Variants in DYRK1B observed in about 807,000 individuals in gnomAD.
DYRK1B encodes dual specificity tyrosine phosphorylation regulated kinase 1B.
A neutral mutation model predicts 57.1 loss-of-function variants in DYRK1B; 20 were observed. That is an observed-to-expected ratio of 0.35 (90% confidence interval 0.25 to 0.51). DYRK1B has a LOEUF of 0.51. Ranked by LOEUF, DYRK1B falls within the 20% of genes least tolerant of loss-of-function variation. DYRK1B has a pLI of 0.96. For missense variants in DYRK1B, 732 were observed against 886.3 expected (o/e 0.83, Z 2.21); for synonymous variants, 409 against 384.7 (o/e 1.06, Z -0.74).
At position 39,827,409 on chromosome 19, in the gene DYRK1B, C is replaced by A. The variant is rs766454633; in HGVS notation, c.971G>T (p.Arg324Leu). 1.1e-5 allele frequency: 18 copies of A among 1,612,418 alleles called. No individual in the cohort carries two copies. The highest frequency in any genetic ancestry group is 6.7e-5 in the East Asian group (3 of 44,834). Residue 324 changes from arginine to leucine, a missense_variant, in exon 8 of 11, where the codon CGC (arginine) becomes CTC (leucine). Transcript: ENST00000323039. ...TGGGATGCCCAGCACCTCCACAATGCGGTTCATCTGGTCGACCTGTGAGCA... is the reference window on the plus strand; with the variant it reads ...TGGGATGCCCAGCACCTCCACAATGAGGTTCATCTGGTCGACCTGTGAGCA... ...SGSNEVDQMNRIVEVLGIPPA... is the reference protein window; with the variant it reads ...SGSNEVDQMNLIVEVLGIPPA...
rs576584969 is a variant in DYRK1B at position 39,830,657 on chromosome 19, T to G, written c.183+7A>C. 6.2e-7 allele frequency: 1 copy of G among 1,613,502 alleles called. No individual in the cohort carries two copies. Among genetic ancestry groups the G allele is most frequent in the Non-Finnish European group, 8.5e-7 (1 of 1,179,602 alleles). On this transcript the variant is annotated splice_region_variant and intron_variant, in intron 3 of 10. Transcript: ENST00000323039. ...ACCCAGCCCAGGATCCCCCAGCCCC[T>G]GCCCACCTCATTGATGTGCTTGTAG...
At chr19:39,833,570 G>C (rs1471590747) in intron 1 of DYRK1B, 1 of 157,266 alleles carries the variant, frequency 6.4e-6, no homozygotes, top group Non-Finnish European at 1.4e-5. Context: ...GTGACCACCA[G>C]CCCCTAGGGA....
At chr19:39,830,806 G>C (rs1156334784) in intron 2 of DYRK1B, 23 bp from the exon 3 acceptor site, 1 of 1,598,190 alleles carries the variant, frequency 6.3e-7, no homozygotes, top group Admixed American at 1.7e-5. Context: ...GTGAGGGGTG[G>C]GCACTGAGGA....
In DYRK1B at chr19:39,827,005, GGA is replaced by G; in HGVS notation, c.1096-20_1096-19del. The stretch of plus-strand genomic sequence containing the variant: ...TGGTAATCCTGGCAGGGAGGGGGTG[GGA>G]GGGGGGGCAAGAGAGTGGCCGTCAG... On this transcript the variant is annotated intron_variant, in intron 8 of 10. Coordinates refer to ENST00000323039, the MANE Select transcript of DYRK1B (RefSeq NM_004714.3). 1 of 1,401,116 alleles carries G rather than the reference GGA, an allele frequency of 7.1e-7. No individual in the cohort carries two copies. Among genetic ancestry groups the G allele is most frequent in the Non-Finnish European group, 9.3e-7 (1 of 1,073,638 alleles). 86.8% of individuals were successfully genotyped at this position (1,401,116 alleles called of 1,614,324 possible).
intron 6 of DYRK1B, 55 bp from the exon 7 acceptor site, chr19:39,827,711 A>AC: frequency 1.3e-6 from 2 of 1,586,430 alleles, no homozygotes; most frequent in Non-Finnish European, 1.7e-6. Flanking sequence ...TCCCACTGAC[A>AC]CCCCCAAAGC....
intron 1 of DYRK1B, 120 bp from the exon 2 acceptor site, chr19:39,832,088 CG>C: frequency 2.6e-6 from 3 of 1,139,108 alleles, no homozygotes; most frequent in Non-Finnish European, 3.5e-6. Context: ...AAGGGCACAA[CG>C]GAGCAGCAGA....
chr19:39,828,053 T>C lies in DYRK1B; in HGVS notation c.807+244A>G, dbSNP rs1968622951. ...CAAAAACTTAGCGAGGCAGCACCCC[T>C]GGCTCAAACCCAACCCAACTTCACC... On this transcript the variant is annotated intron_variant, in intron 6 of 10. Transcript: ENST00000323039. This position sits in a 1 kb window ranked among gnomAD's most constrained non-coding sequence, Gnocchi z 4.3. Among the ~76,000 whole-genome samples the C allele has an allele frequency of 1.3e-5, 2 of 152,154 alleles. No individual in the cohort carries two copies. Among genetic ancestry groups the C allele is most frequent in the African/African-American group, 4.8e-5 (2 of 41,430 alleles).
chr19:39,831,199 C>T (rs1424659719), intron 2 of DYRK1B, among the ~76,000 whole-genome samples: 1 of 152,124 alleles, frequency 6.6e-6, no homozygotes, highest in Non-Finnish European at 1.5e-5. Context: ...TCAACCCATA[C>T]TCCCACCAAC....
intron 4 of DYRK1B, 116 bp from the exon 5 acceptor site, chr19:39,830,143 G>T: frequency 7.4e-7 from 1 of 1,348,144 alleles, no homozygotes; most frequent in African/African-American, 1.5e-5. Context: ...CTTCGCAGCT[G>T]AGTGCGCACC....
intron 5 of DYRK1B, 86 bp downstream of exon 5, chr19:39,829,794 G>A (rs747407211): frequency 6.1e-6 from 9 of 1,474,092 alleles, no homozygotes; most frequent in Non-Finnish European, 8.3e-6. Flanking sequence ...CTCCTCCTGA[G>A]AGTAGGGCGG....
chr19:39,828,319 C>T lies in DYRK1B; in HGVS notation c.785G>A (p.Ser262Asn), dbSNP rs755481777. The T allele has an allele frequency of 1.2e-6, 2 of 1,614,150 alleles. No individual in the cohort carries two copies. Among genetic ancestry groups the T allele is most frequent in the South Asian group, 1.1e-5 (1 of 91,072 alleles). The part of the protein sequence containing the change: ...RSAIKIVDFG[S>N]SCQLGQRIYQ... ...TACCCTCTGGCCAAGCTGGCAGGAGCTGCCGAAGTCCACAATCTTGATGGC... is the reference window on the plus strand; with the variant it reads ...TACCCTCTGGCCAAGCTGGCAGGAGTTGCCGAAGTCCACAATCTTGATGGC... Residue 262 changes from serine (S) to asparagine (N), a missense_variant, in exon 6 of 11, where the codon AGC (serine) becomes AAC (asparagine). Ser to Asn is a conservative substitution (Grantham distance 46). Transcript: ENST00000323039. This position sits in a 1 kb window ranked among gnomAD's most constrained non-coding sequence, Gnocchi z 4.3.
chr19:39,831,895 G>A lies in DYRK1B; in HGVS notation c.-28C>T, dbSNP rs1289008132. 16 of 1,455,116 alleles carry A rather than the reference G, an allele frequency of 1.1e-5. No homozygotes were observed. The Admixed American group carries it at 1.1e-4, about 10-fold the overall frequency. 90.1% of individuals were successfully genotyped at this position (1,455,116 alleles called of 1,614,324 possible). On this transcript the variant is annotated 5_prime_UTR_variant, in exon 2 of 11. Coordinates refer to ENST00000323039, the MANE Select transcript of DYRK1B (RefSeq NM_004714.3). ...TGGGCTCAGAGGGCCGCAGGGGAGC[G>A]AGGCCTGGAGCGGGAGCCCGGCCGG...
At chr19:39,831,256 C>T (rs892543726) in intron 2 of DYRK1B, among the ~76,000 whole-genome samples, 2 of 152,160 alleles carry the variant, frequency 1.3e-5, no homozygotes, top group African/African-American at 4.8e-5. Flanking sequence ...CTGGATCTGG[C>T]CCCTGGACCT....
intron 5 of DYRK1B, among the ~76,000 whole-genome samples, chr19:39,829,402 C>T (rs1208808174): frequency 2.0e-5 from 3 of 151,928 alleles, no homozygotes; most frequent in African/African-American, 7.3e-5. Context: ...AATTTTTTCA[C>T]ATTTTTAGTA....
rs776730186 is a variant in DYRK1B, at chr19:39,828,269, G to A, written c.807+28C>T. On this transcript the variant is annotated intron_variant, in intron 6 of 10. Transcript: ENST00000323039. The surrounding 1 kb of genome is among the most constrained non-coding windows in gnomAD (Gnocchi z 4.3). ...CTCTGCCCCACCCAAACTACTAGCC[G>A]TGCTCCCAGGACCGGGCCGCCCCCT... The A allele has an allele frequency of 1.5e-5, 24 of 1,608,922 alleles. No homozygotes were observed. In the Admixed American group the frequency reaches 2.0e-4, roughly 13 times the overall value.
rs892096052 is a variant in DYRK1B at position 39,830,474 on chromosome 19, A to G, written c.273T>C (p.Gly91=). The G allele has an allele frequency of 1.2e-6, 2 of 1,614,210 alleles. No individual in the cohort carries two copies. The highest frequency in any genetic ancestry group is 1.3e-5 in the African/African-American group (1 of 75,058). Residue 91 remains glycine (G), a synonymous_variant, in exon 4 of 11, where the codon GGT becomes GGC. Transcript: ENST00000323039. ...NKKEKKVLNH[G]YDDDNHDYIV... Reference sequence around the variant, plus strand: ...TGTAGTCATGGTTGTCGTCATCATAACCATGGTTCAGGACCTTCTTCTCCT... The same window carrying G: ...TGTAGTCATGGTTGTCGTCATCATAGCCATGGTTCAGGACCTTCTTCTCCT...
At chr19:39,829,821 T>C (rs1244907244) in intron 5 of DYRK1B, 59 bp downstream of exon 5, 2 of 1,591,736 alleles carry the variant, frequency 1.3e-6, no homozygotes, top group African/African-American at 1.3e-5. Flanking sequence ...GACCCATCCC[T>C]ACTGGCTCCA....
At position 39,826,065 on chromosome 19, in the gene DYRK1B, G is replaced by A. The variant is rs756275191; in HGVS notation, c.1540C>T (p.Arg514Trp). Residue 514 changes from arginine to tryptophan, a missense_variant, in exon 11 of 11, where the codon CGG becomes TGG. Physicochemically the swap from Arg to Trp is moderately radical, Grantham distance 101. Coordinates refer to ENST00000323039, the MANE Select transcript of DYRK1B (RefSeq NM_004714.3). This position sits in a 1 kb window ranked among gnomAD's most constrained non-coding sequence, Gnocchi z 6.3. The stretch of plus-strand genomic sequence containing the variant: ...GGCACATCACCCCCTGCCCAGGGCC[G>A]CAGCGGCTGGGAGGGTGGGACCTAA... ...SPQVPPSQPLRPWAGGDVPHK... is the reference protein window; with the variant it reads ...SPQVPPSQPLWPWAGGDVPHK... 12 of 1,519,966 alleles carry A rather than the reference G, an allele frequency of 7.9e-6. No individual in the cohort carries two copies. Among genetic ancestry groups the A allele is most frequent in the East Asian group, 2.3e-5 (1 of 43,864 alleles). 94.2% of individuals were successfully genotyped at this position (1,519,966 alleles called of 1,614,324 possible). A position where few individuals can be genotyped will look rare whatever the true frequency, so the allele number is the denominator to read the frequency against.
intron 1 of DYRK1B, chr19:39,833,289 C>T: frequency 7.1e-6 from 7 of 985,480 alleles, no homozygotes; most frequent in Non-Finnish European, 8.4e-6. Flanking sequence ...TGGCGCGGGG[C>T]CCACGGGGGG....
Sources: allele counts gnomAD v4.1 joint callset (sites outside exome capture counted in the v4.1 genomes callset), GRCh38; gene constraint gnomAD v4.1.1; non-coding constraint Gnocchi (gnomAD v3.1); transcripts MANE v1.5; gene names NCBI Gene and HGNC (gene_info 2026-07-23, HGNC 2026-07-21).